Variants in CNTN5 observed in about 807,000 individuals in gnomAD.
The protein encoded by CNTN5 is contactin-5.
In CNTN5, 77 loss-of-function variants were observed where a neutral mutation model predicts 129.1. The observed-to-expected ratio is 0.60, with a 90% CI of 0.50 to 0.72. The LOEUF is 0.72. Among genes scored for constraint, CNTN5 ranks in the 30% least tolerant of loss-of-function variants. CNTN5 has a pLI of 0.00. For missense variants in CNTN5, 1,478 were observed against 1,328.8 expected, an observed-to-expected ratio of 1.11 and a Z score of -1.75; for synonymous variants, 509 against 465.6, an observed-to-expected ratio of 1.09 and a Z score of -1.20.
intron 3 of CNTN5, among the ~76,000 whole-genome samples, chr11:99,814,243 G>A (rs544042253): frequency 3.9e-5 from 6 of 152,216 alleles, no homozygotes; most frequent in Admixed American, 6.5e-5. Flanking sequence ...AATGAAACAA[G>A]GCTGAGTGTA....
chr11:99,964,238 C>T (rs1365297503), intron 8 of CNTN5, among the ~76,000 whole-genome samples: 1 of 146,968 alleles, frequency 6.8e-6, no homozygotes, highest in Non-Finnish European at 1.5e-5. Flanking sequence ...TGTCTTGTGC[C>T]CGTTTTCAAA....
At chr11:99,834,624 T>C (rs1947246886) in intron 4 of CNTN5, among the ~76,000 whole-genome samples, 1 of 152,180 alleles carries the variant, frequency 6.6e-6, no homozygotes, top group Non-Finnish European at 1.5e-5. Context: ...GAATATTCAT[T>C]AATTTCATTT....
intron 13 of CNTN5, among the ~76,000 whole-genome samples, chr11:100,134,283 G>T (rs941651262): frequency 3.3e-5 from 5 of 152,094 alleles, no homozygotes; most frequent in African/African-American, 1.2e-4. Flanking sequence ...GTAAACCCTT[G>T]AGGATGTGCT....
intron 2 of CNTN5, among the ~76,000 whole-genome samples, chr11:99,428,559 CAAA>C (rs60754666): frequency 8.7e-5 from 5 of 57,294 alleles, no homozygotes; most frequent in Admixed American, 1.7e-4. Context: ...GACCCTGTCT[CAAA>C]AAAAAAAAAA....
chr11:99,256,899 G>T (rs1292532058), intron 1 of CNTN5, among the ~76,000 whole-genome samples: 1 of 151,958 alleles, frequency 6.6e-6, no homozygotes, highest in East Asian at 1.9e-4. Flanking sequence ...ATTAAAAAAA[G>T]GACAAGTAAA....
intron 6 of CNTN5, among the ~76,000 whole-genome samples, chr11:99,884,773 T>G (rs1948856329): frequency 6.6e-6 from 1 of 152,124 alleles, no homozygotes; most frequent in African/African-American, 2.4e-5. Flanking sequence ...AGTCAGGAAT[T>G]CAAGAACAGC....
intron 1 of CNTN5, among the ~76,000 whole-genome samples, chr11:99,092,120 G>A (rs1183325465): frequency 6.6e-6 from 1 of 152,060 alleles, no homozygotes; most frequent in Non-Finnish European, 1.5e-5. Flanking sequence ...TTAGTTTATT[G>A]TTTTACTAAT....
At chr11:99,311,014 C>T (rs1206558703) in intron 1 of CNTN5, among the ~76,000 whole-genome samples, 1 of 152,120 alleles carries the variant, frequency 6.6e-6, no homozygotes. Context: ...TCACTGCAAC[C>T]TCTGCCTCCC....
rs997644039 is a variant in CNTN5, at chr11:100,162,935, A to C, written c.1581-28191A>C. ...ACCAGATAACTCAATTCATTTCTGG[A>C]ATGCCAAATGAGGTTTTTATTCTCA... On this transcript the variant is annotated intron_variant, in intron 13 of 24. Transcript: ENST00000524871. Among the ~76,000 whole-genome samples the C allele has an allele frequency of 2.0e-5, 3 of 151,852 alleles. No homozygotes were observed. The East Asian group carries it at 5.8e-4, about 29-fold the overall frequency.
intron 9 of CNTN5, among the ~76,000 whole-genome samples, chr11:100,048,559 A>AT (rs1227308915): frequency 3.9e-5 from 6 of 152,138 alleles, no homozygotes; most frequent in African/African-American, 1.4e-4. Flanking sequence ...AAGTTTTAGA[A>AT]TAAAAAAAGT....
intron 2 of CNTN5, among the ~76,000 whole-genome samples, chr11:99,471,988 T>C (rs1024339619): frequency 5.3e-5 from 8 of 152,152 alleles, no homozygotes; most frequent in African/African-American, 1.9e-4. Flanking sequence ...ATTTTATGTA[T>C]ATTATCTGCT....
intron 2 of CNTN5, among the ~76,000 whole-genome samples, chr11:99,444,693 T>C (rs891887748): frequency 2.0e-5 from 3 of 152,148 alleles, no homozygotes; most frequent in African/African-American, 4.8e-5. Flanking sequence ...GTAGTATAGA[T>C]ATACTTACAT....
chr11:99,160,962 G>C (rs901445485), intron 1 of CNTN5, among the ~76,000 whole-genome samples: 2 of 152,172 alleles, frequency 1.3e-5, no homozygotes, highest in African/African-American at 2.4e-5. Context: ...AGGATACTGG[G>C]AAACAAGTTT....
chr11:99,142,138 G>A (rs192499454), intron 1 of CNTN5, among the ~76,000 whole-genome samples: 3 of 152,178 alleles, frequency 2.0e-5, no homozygotes, highest in Admixed American at 2.0e-4. Context: ...CTGGGACCAG[G>A]CCCACACCTT....
chr11:100,350,984 C>A lies in CNTN5; in HGVS notation c.3199+114C>A, dbSNP rs1052148982. The A allele has an allele frequency of 2.3e-5, 17 of 736,474 alleles. 1 individual carries two copies. In the South Asian group the frequency reaches 3.8e-4, roughly 16 times the overall value. 45.6% of individuals were successfully genotyped at this position (736,474 alleles called of 1,614,324 possible). On this transcript the variant is annotated intron_variant, in intron 24 of 24. Transcript: ENST00000524871. Reference sequence around the variant, plus strand: ...ATGGTTCAGAGATTTTGAGGGATTTCTCCTCTCTGATTTTTATATTATCTT... The same window carrying A: ...ATGGTTCAGAGATTTTGAGGGATTTATCCTCTCTGATTTTTATATTATCTT...
At chr11:99,781,715 T>A (rs1945317391) in intron 3 of CNTN5, among the ~76,000 whole-genome samples, 1 of 152,096 alleles carries the variant, frequency 6.6e-6, no homozygotes, top group Admixed American at 6.6e-5. Context: ...GTTCCATGTC[T>A]GTAAGCAAGT....
chr11:99,034,901 G>A (rs1330680550), intron 1 of CNTN5, among the ~76,000 whole-genome samples: 5 of 150,502 alleles, frequency 3.3e-5, no homozygotes, highest in Non-Finnish European at 5.9e-5. Flanking sequence ...TCTCTTGTGG[G>A]CATTTAGTGC....
Position 99,706,987 on chromosome 11 carries a change from A to G in CNTN5, c.56-112557A>G, listed in dbSNP as rs899679165. 4.7e-4 allele frequency among the ~76,000 whole-genome samples: 71 copies of G among 151,378 alleles called. 3 individuals carry two copies. The highest frequency in any genetic ancestry group is 2.0e-4 in the Admixed American group (3 of 15,104). The stretch of plus-strand genomic sequence containing the variant: ...ATGGCTAATCACATTCCCACCAGGC[A>G]GGATCACACAACTCACAGAGCCAGG... On this transcript the variant is annotated intron_variant, in intron 3 of 24. Coordinates refer to ENST00000524871, the MANE Select transcript of CNTN5 (RefSeq NM_014361.4).
At chr11:99,638,647 G>C (rs1951654279) in intron 3 of CNTN5, among the ~76,000 whole-genome samples, 1 of 152,112 alleles carries the variant, frequency 6.6e-6, no homozygotes, top group Non-Finnish European at 1.5e-5. Context: ...AAACAAAGGG[G>C]TTTTCAGGGT....
Sources: allele counts gnomAD v4.1 joint callset (sites outside exome capture counted in the v4.1 genomes callset), GRCh38; gene constraint gnomAD v4.1.1; transcripts MANE v1.5; gene names NCBI Gene and HGNC (gene_info 2026-07-23, HGNC 2026-07-21).